Variants in PLEKHG1 observed in about 807,000 individuals in gnomAD.
PLEKHG1 encodes pleckstrin homology and RhoGEF domain containing G1.
A neutral mutation model predicts 100.8 loss-of-function variants in PLEKHG1; 44 were observed. The observed-to-expected ratio is 0.44, with a 90% CI of 0.34 to 0.56. The LOEUF is 0.56. Among genes scored for constraint, PLEKHG1 ranks in the 20% least tolerant of loss-of-function variants. The pLI, the probability that PLEKHG1 is intolerant of heterozygous loss-of-function variation, is 0.01. For missense variants in PLEKHG1, 1,545 were observed against 1,720.9 expected (o/e 0.90, Z 1.81); for synonymous variants, 640 against 662.5 (o/e 0.97, Z 0.52).
chr6:150,810,546 G>GAAAGAAA (rs1787459618), intron 10 of PLEKHG1, among the ~76,000 whole-genome samples: 5 of 113,688 alleles, frequency 4.4e-5, no homozygotes, highest in Non-Finnish European at 7.7e-5. Flanking sequence ...AAGGAAGAAA[G>GAAAGAAA]GAAGGAAAGA....
chr6:150,784,225 C>G (rs1785480456), intron 3 of PLEKHG1, among the ~76,000 whole-genome samples: 1 of 152,148 alleles, frequency 6.6e-6, no homozygotes, highest in African/African-American at 2.4e-5. Flanking sequence ...AAGACCCACC[C>G]AAAGCCTACT....
intron 3 of PLEKHG1, among the ~76,000 whole-genome samples, chr6:150,775,595 T>C (rs1306202179): frequency 6.6e-6 from 1 of 152,250 alleles, no homozygotes; most frequent in African/African-American, 2.4e-5. Context: ...AGGAACAGAA[T>C]GCTTTGTGAA....
intron 10 of PLEKHG1, among the ~76,000 whole-genome samples, chr6:150,813,375 C>T (rs1331562012): frequency 6.6e-6 from 1 of 151,208 alleles, no homozygotes; most frequent in Non-Finnish European, 1.5e-5. Context: ...ACATCAAAGA[C>T]CCAACTGAGG....
chr6:150,827,946 T>C, intron 14 of PLEKHG1: 1 of 1,610,272 alleles, frequency 6.2e-7, no homozygotes, highest in Non-Finnish European at 8.5e-7. Flanking sequence ...TGGAAAAGTT[T>C]TGGAGATCTC....
At chr6:150,724,176 C>T (rs1046948832) in intron 1 of PLEKHG1, among the ~76,000 whole-genome samples, 5 of 152,208 alleles carry the variant, frequency 3.3e-5, no homozygotes, top group Admixed American at 1.3e-4. Flanking sequence ...AAGGTTTCTG[C>T]CACATCTGGG....
intron 3 of PLEKHG1, among the ~76,000 whole-genome samples, chr6:150,706,081 T>C (rs575547814): frequency 6.6e-6 from 1 of 152,354 alleles, no homozygotes; most frequent in African/African-American, 2.4e-5. Flanking sequence ...TGTCCTATTA[T>C]TTTCTAAAAA....
intron 1 of PLEKHG1, among the ~76,000 whole-genome samples, chr6:150,606,895 C>A (rs1776623911): frequency 6.6e-6 from 1 of 152,116 alleles, no homozygotes; most frequent in South Asian, 2.1e-4. Context: ...GCTCCTCCCA[C>A]CCTCTCCCAA....
intron 3 of PLEKHG1, among the ~76,000 whole-genome samples, chr6:150,714,126 G>A (rs931911366): frequency 1.3e-5 from 2 of 152,196 alleles, no homozygotes; most frequent in East Asian, 3.8e-4. Flanking sequence ...AAATGTGTCT[G>A]GAAGCCTACT....
At chr6:150,718,747 C>T (rs994942658), upstream of PLEKHG1, among the ~76,000 whole-genome samples, 5 of 152,110 alleles carry the variant, frequency 3.3e-5, no homozygotes, top group Admixed American at 1.3e-4. Flanking sequence ...GGATTATAGG[C>T]GTAAGCCACC....
intron 2 of PLEKHG1, among the ~76,000 whole-genome samples, chr6:150,740,645 C>T (rs1251509115): frequency 2.0e-5 from 3 of 152,054 alleles, no homozygotes; most frequent in South Asian, 2.1e-4. Context: ...AATGAAGGCT[C>T]GTTATGTGGG....
rs1203310861 is a variant in PLEKHG1 at position 150,663,133 on chromosome 6, T to C, written c.-99+12347T>C. 3.9e-5 allele frequency: 6 copies of C among 152,180 alleles called. No individual in the cohort carries two copies. In the East Asian group the frequency reaches 5.8e-4, roughly 15 times the overall value. The allele number at this position is 152,180 out of a possible 1,614,324, so 9.4% of individuals were successfully genotyped here. On this transcript the variant is annotated intron_variant, in intron 3 of 3. Transcript: ENST00000367326. ...CATCTTGAAAGATAGCCAAGAAAGCTTTTTCTTCTAATTATTTCCAGTTAT... is the reference window on the plus strand; with the variant it reads ...CATCTTGAAAGATAGCCAAGAAAGCCTTTTCTTCTAATTATTTCCAGTTAT...
chr6:150,822,754 T>C (rs1001476387), intron 13 of PLEKHG1, among the ~76,000 whole-genome samples: 2 of 151,992 alleles, frequency 1.3e-5, no homozygotes, highest in African/African-American at 4.8e-5. Context: ...CCGAGGAGGG[T>C]GGATCACCTG....
At chr6:150,723,957 A>G (rs1781828641) in intron 1 of PLEKHG1, among the ~76,000 whole-genome samples, 1 of 152,226 alleles carries the variant, frequency 6.6e-6, no homozygotes, top group Non-Finnish European at 1.5e-5. Flanking sequence ...GAAACACAGC[A>G]GGGGCTGTAA....
intron 3 of PLEKHG1, among the ~76,000 whole-genome samples, chr6:150,705,854 A>T (rs1298014879): frequency 6.6e-6 from 1 of 152,186 alleles, no homozygotes; most frequent in African/African-American, 2.4e-5. Flanking sequence ...TTCAGAAAGA[A>T]ATAAACACTG....
intron 1 of PLEKHG1, among the ~76,000 whole-genome samples, chr6:150,610,410 CA>C (rs1370107502): frequency 6.6e-6 from 1 of 152,212 alleles, no homozygotes; most frequent in Non-Finnish European, 1.5e-5. Flanking sequence ...CCTATTCTAG[CA>C]CTTTCTATGT....
At chr6:150,700,496 G>T (rs749098185) in intron 3 of PLEKHG1, among the ~76,000 whole-genome samples, 9 of 152,092 alleles carry the variant, frequency 5.9e-5, no homozygotes, top group Non-Finnish European at 1.0e-4. Context: ...AAGAACCTGG[G>T]GTGATCCTCT....
exon 2 of PLEKHG1, chr6:150,733,969 C>A: frequency 6.2e-7 from 1 of 1,614,150 alleles, no homozygotes; most frequent in South Asian, 1.1e-5. Context: ...TGGACTCAAA[C>A]GGGGCACCCA....
At position 150,815,975 on chromosome 6, in the gene PLEKHG1, G is replaced by C. The variant is rs115394388; in HGVS notation, c.1279-2208G>C. On this transcript the variant is annotated intron_variant, in intron 10 of 15. Coordinates refer to ENST00000358517, the Ensembl canonical transcript of PLEKHG1. ...GGGGGAGGCTTTTGGGATGATGAAA[G>C]CACATTACGTTTATTGTGCACTTTA... 2.4e-3 allele frequency among the ~76,000 whole-genome samples: 366 copies of C among 152,252 alleles called. 4 individuals carry two copies. The highest frequency in any genetic ancestry group is 8.5e-3 in the African/African-American group (354 of 41,550).
At chr6:150,780,579 TC>T (rs1785255197) in intron 3 of PLEKHG1, among the ~76,000 whole-genome samples, 1 of 152,106 alleles carries the variant, frequency 6.6e-6, no homozygotes, top group East Asian at 1.9e-4. Flanking sequence ...CCATGACATA[TC>T]TCACTTTTAT....
Sources: gnomAD v4.1 joint callset for allele counts (sites outside exome capture counted in the v4.1 genomes callset) on GRCh38, gnomAD v4.1.1 for gene constraint, MANE v1.5 for transcripts, NCBI Gene and HGNC (gene_info 2026-07-23, HGNC 2026-07-21) for gene names.